UBE2Q2: variants seen among roughly 807,000 people sequenced by gnomAD.
The protein encoded by UBE2Q2 is ubiquitin-conjugating enzyme E2 Q2.
A neutral mutation model predicts 59.9 loss-of-function variants in UBE2Q2; 54 were observed. That is an observed-to-expected ratio of 0.90 (90% CI 0.72 to 1.13). The LOEUF (loss-of-function observed/expected upper bound fraction) is 1.13, where lower values mean the gene tolerates loss of function less well. UBE2Q2 is among the 50% of genes most tolerant of loss of function. UBE2Q2 has a pLI of 0.00. For synonymous variants in UBE2Q2, 165 were observed against 155.2 expected, an observed-to-expected ratio of 1.06 and a Z score of -0.47; for missense variants, 433 against 441.9, an observed-to-expected ratio of 0.98 and a Z score of 0.18.
intron 3 of UBE2Q2, among the ~76,000 whole-genome samples, chr15:75,861,123 T>C (rs1897188418): frequency 6.6e-6 from 1 of 152,244 alleles, no homozygotes; most frequent in Admixed American, 6.5e-5. Context: ...TTGGGGGAAC[T>C]ATGAGGATTA....
At position 75,862,692 on chromosome 15, in the gene UBE2Q2, G is replaced by T. The variant is rs1329405334; in HGVS notation, c.387+2710G>T. Among the ~76,000 whole-genome samples, 3 of 151,544 alleles carry T rather than the reference G, an allele frequency of 2.0e-5. No homozygotes were observed. The East Asian group carries it at 5.8e-4, about 29-fold the overall frequency. On this transcript the variant is annotated intron_variant, in intron 3 of 12. Coordinates refer to ENST00000267938, the MANE Select transcript of UBE2Q2 (RefSeq NM_173469.4). ...TAGGTGGGTATGGTGGCACCTGCCT[G>T]TAGTCCCAGCTACTCAAGAGGCTAA...
intron 1 of UBE2Q2, among the ~76,000 whole-genome samples, chr15:75,846,969 C>G (rs1345884122): frequency 1.3e-5 from 2 of 152,250 alleles, no homozygotes; most frequent in East Asian, 3.9e-4. Flanking sequence ...CCCCATTTGT[C>G]TTTATATGCC....
In UBE2Q2 at chr15:75,858,906, T is replaced by A. The variant is rs1897066697; in HGVS notation, c.283-972T>A. On this transcript the variant is annotated intron_variant, in intron 2 of 12. Transcript: ENST00000267938. ...TTTTCATTTGCTCCGTTGTCCACTT[T>A]GGGAAAGCTTATTCTTTGCTTCGTT... 2.0e-5 allele frequency among the ~76,000 whole-genome samples: 3 copies of A among 152,372 alleles called. No homozygotes were observed. In the South Asian group the frequency reaches 6.2e-4, roughly 32 times the overall value.
At chr15:75,863,612 A>G (rs1897303238) in intron 3 of UBE2Q2, among the ~76,000 whole-genome samples, 2 of 142,154 alleles carry the variant, frequency 1.4e-5, no homozygotes, top group South Asian at 2.2e-4. Context: ...CGGCCAGCTG[A>G]TATTTTATAA....
chr15:75,849,648 T>C (rs1004501870), intron 1 of UBE2Q2, among the ~76,000 whole-genome samples: 3 of 152,226 alleles, frequency 2.0e-5, no homozygotes, highest in African/African-American at 7.2e-5. Flanking sequence ...GATGAACTTG[T>C]TTGAAATTTG....
chr15:75,897,222 ATTTATTTTATTTTAT>A (rs374922551), intron 12 of UBE2Q2, among the ~76,000 whole-genome samples, 161 bp downstream of exon 12: 1 of 151,376 alleles, frequency 6.6e-6, no homozygotes, highest in African/African-American at 2.4e-5. Context: ...TTATTTATTT[ATTTATTTTATTTTAT>A]TTTATTTTAT....
At chr15:75,854,923 TAAAG>T (rs148960035) in intron 2 of UBE2Q2, among the ~76,000 whole-genome samples, 1,633 of 152,296 alleles carry the variant, frequency 0.011, 24 homozygotes, top group Middle Eastern at 0.051. Context: ...TTTTAGTATA[TAAAG>T]AAATATAACT....
intron 11 of UBE2Q2, among the ~76,000 whole-genome samples, chr15:75,893,260 A>G (rs1440806011): frequency 6.6e-6 from 1 of 152,236 alleles, no homozygotes; most frequent in Non-Finnish European, 1.5e-5. Context: ...GAAAGTTTTT[A>G]TAAAGGAGAG....
chr15:75,847,402 G>C (rs559671564), intron 1 of UBE2Q2, among the ~76,000 whole-genome samples: 1 of 152,272 alleles, frequency 6.6e-6, no homozygotes, highest in Non-Finnish European at 1.5e-5. Flanking sequence ...CCAAAACAGA[G>C]TAGATGTTTT....
intron 4 of UBE2Q2, 23 bp downstream of exon 4, chr15:75,869,033 G>C: frequency 6.3e-7 from 1 of 1,591,876 alleles, no homozygotes; most frequent in Non-Finnish European, 8.6e-7. Context: ...TATAAAAGAA[G>C]AGTTCATAAA....
intron 11 of UBE2Q2, among the ~76,000 whole-genome samples, chr15:75,891,786 C>T (rs998692256): frequency 1.3e-5 from 2 of 152,128 alleles, no homozygotes; most frequent in Non-Finnish European, 2.9e-5. Context: ...AGTGAGACAG[C>T]CTTCCAAAGC....
intron 3 of UBE2Q2, among the ~76,000 whole-genome samples, chr15:75,866,166 C>T (rs1240629379): frequency 6.6e-6 from 1 of 151,476 alleles, no homozygotes; most frequent in Admixed American, 6.6e-5. Context: ...GGGGGTTTTA[C>T]TTTTCAGTTT....
At chr15:75,844,090 C>G in intron 1 of UBE2Q2, 1 of 1,415,946 alleles carries the variant, frequency 7.1e-7, no homozygotes, top group Non-Finnish European at 9.2e-7. Context: ...GGCTTCTGGC[C>G]CATCTCGGTC....
chr15:75,850,704 T>A (rs1043119832), intron 1 of UBE2Q2, among the ~76,000 whole-genome samples: 22 of 152,242 alleles, frequency 1.4e-4, no homozygotes, highest in African/African-American at 5.3e-4. Context: ...AAGGAAAGAA[T>A]TCTAAGGAAG....
chr15:75,870,678 A>G (rs1312588568), intron 4 of UBE2Q2, among the ~76,000 whole-genome samples: 1 of 152,220 alleles, frequency 6.6e-6, no homozygotes, highest in African/African-American at 2.4e-5. Context: ...CTCCTAAAAT[A>G]ATATGGGAAC....
chr15:75,858,237 C>T (rs1473276529), intron 2 of UBE2Q2, among the ~76,000 whole-genome samples: 3 of 152,172 alleles, frequency 2.0e-5, no homozygotes, highest in Admixed American at 6.5e-5. Flanking sequence ...GAGTTTCAAA[C>T]CCATATATCT....
intron 1 of UBE2Q2, among the ~76,000 whole-genome samples, chr15:75,846,475 C>T: frequency 6.6e-6 from 1 of 152,078 alleles, no homozygotes; most frequent in East Asian, 1.9e-4. Flanking sequence ...ACCTCAAGCT[C>T]CCAAAGTGCT....
intron 1 of UBE2Q2, chr15:75,844,226 T>C (rs1896193326): frequency 6.8e-7 from 1 of 1,472,114 alleles, no homozygotes; most frequent in Non-Finnish European, 9.0e-7. Flanking sequence ...GCTCCGGCTG[T>C]TGTTTGAGCC....
rs1466303454 is a variant in UBE2Q2 at position 75,885,574 on chromosome 15, G to A, written c.884+2150G>A. Reference sequence around the variant, plus strand: ...TTTACACGATAGCATCTCAGAGGACGGTGTCCTCTGGCTTACTCTCTGGGA... The same window carrying A: ...TTTACACGATAGCATCTCAGAGGACAGTGTCCTCTGGCTTACTCTCTGGGA... On this transcript the variant is annotated intron_variant, in intron 9 of 12. Transcript: ENST00000267938. Among the ~76,000 whole-genome samples, 7 of 152,236 alleles carry A rather than the reference G, an allele frequency of 4.6e-5. No homozygotes were observed. The South Asian group carries it at 1.0e-3, about 23-fold the overall frequency.
Sources: allele counts gnomAD v4.1 joint callset (sites outside exome capture counted in the v4.1 genomes callset), GRCh38; gene constraint gnomAD v4.1.1; transcripts MANE v1.5; gene names NCBI Gene and HGNC (gene_info 2026-07-23, HGNC 2026-07-21).